The following GLE1 variants were observed in gnomAD, a reference collection of about 807,000 sequenced individuals.
GLE1 encodes the protein GLE1 RNA export mediator.
GLE1 carries 78 observed loss-of-function variants against 97.3 expected under a neutral mutation model. The observed-to-expected ratio is 0.80, with a 90% CI of 0.67 to 0.97. The LOEUF is 0.97. Ranked by LOEUF, GLE1 falls within the 50% of genes least tolerant of loss-of-function variation. The pLI is 0.00. For missense variants in GLE1, 753 were observed against 857.5 expected (o/e 0.88, Z 1.52); for synonymous variants, 302 against 313.4 (o/e 0.96, Z 0.39).
chr9:128,514,452 T>TC (rs1358036631), intron 2 of GLE1, among the ~76,000 whole-genome samples: 1 of 150,058 alleles, frequency 6.7e-6, no homozygotes, highest in African/African-American at 2.4e-5. Context: ...AGACTTTTTT[T>TC]TTTTTTTTTT....
rs994955066 is a variant in GLE1 at position 128,509,114 on chromosome 9, C to T, written c.321+17C>T. The T allele has an allele frequency of 6.8e-7, 1 of 1,469,108 alleles. No homozygotes were observed. The highest frequency in any genetic ancestry group is 2.3e-5 in the East Asian group (1 of 44,212). 91.0% of individuals were successfully genotyped at this position (1,469,108 alleles called of 1,614,324 possible). A position where few individuals can be genotyped will look rare whatever the true frequency, so the allele number is the denominator to read the frequency against. On this transcript the variant is annotated intron_variant, in intron 2 of 15. Coordinates refer to ENST00000309971, the MANE Select transcript of GLE1 (RefSeq NM_001003722.2). ...GGAACCAAGGTAAGGTTGTGATCAG[C>T]TTAAGACAAAAGACATGGTGGCTGC...
chr9:128,520,410 G>GTATATATA lies in GLE1; in HGVS notation c.433-2256_433-2249dup, dbSNP rs1054971044. ...TGTATATATGTATGTGTGTATATATGTATATATATGTATATATGTATATAT... is the reference window on the plus strand; with the variant it reads ...TGTATATATGTATGTGTGTATATATGTATATATATATATATATGTATATATGTATATAT... On this transcript the variant is annotated intron_variant, in intron 3 of 15. Coordinates refer to ENST00000309971, the MANE Select transcript of GLE1 (RefSeq NM_001003722.2). 5.6e-5 allele frequency among the ~76,000 whole-genome samples: 8 copies of GTATATATA among 143,936 alleles called. No homozygotes were observed. The South Asian group carries it at 1.3e-3, about 23-fold the overall frequency. The allele number at this position is 143,936 out of a possible 152,430, so 94.4% of individuals were successfully genotyped here.
chr9:128,514,684 G>A (rs1342152803), intron 2 of GLE1, among the ~76,000 whole-genome samples: 3 of 152,054 alleles, frequency 2.0e-5, no homozygotes, highest in African/African-American at 7.2e-5. Flanking sequence ...AGTAGAGACA[G>A]GGTTTAGTAG....
At chr9:128,509,909 T>C (rs1283338409) in intron 2 of GLE1, among the ~76,000 whole-genome samples, 6 of 152,186 alleles carry the variant, frequency 3.9e-5, no homozygotes, top group Admixed American at 1.3e-4. Flanking sequence ...CAGTGAGCTG[T>C]GATCAAGCCA....
At chr9:128,523,960 C>A in intron 6 of GLE1, 114 bp downstream of exon 6, 1 of 945,840 alleles carries the variant, frequency 1.1e-6, no homozygotes, top group Non-Finnish European at 1.7e-6. Flanking sequence ...GGGGGAAATA[C>A]CAAACATTAC....
Position 128,504,774 on chromosome 9 carries a change from G to C in GLE1, c.-32G>C. On this transcript the variant is annotated 5_prime_UTR_variant, in exon 1 of 16. Transcript: ENST00000309971. ...TTCGAGGGCTTGTTTGGTCAGAAGG[G>C]GGGCGTCAGAGAAGCTGCCCCTTAG... 7.2e-7 allele frequency: 1 copy of C among 1,393,936 alleles called. No individual in the cohort carries two copies. Among genetic ancestry groups the C allele is most frequent in the Non-Finnish European group, 1.0e-6 (1 of 979,860 alleles). The allele number at this position is 1,393,936 out of a possible 1,614,324, so 86.3% of individuals were successfully genotyped here.
At position 128,515,532 on chromosome 9, in the gene GLE1, A is replaced by C; in HGVS notation, c.325A>C (p.Lys109Gln). ...TTTCCATTTTCTGCTCATATAGGGC[A>C]AAGATGAGTCCCAGCACACAGAATC... ...SPATPNGTKG[K>Q]DESQHTESMV... Residue 109 changes from lysine (K) to glutamine (Q), a missense_variant, in exon 3 of 16, where the codon AAA (lysine) becomes CAA (glutamine). Physicochemically the swap from Lys to Gln is moderately conservative, Grantham distance 53 (BLOSUM62 1). Coordinates refer to ENST00000309971, the MANE Select transcript of GLE1 (RefSeq NM_001003722.2). The C allele has an allele frequency of 6.4e-7, 1 of 1,561,040 alleles. No individual in the cohort carries two copies. Among genetic ancestry groups the C allele is most frequent in the South Asian group, 1.1e-5 (1 of 90,010 alleles).
At chr9:128,530,013 GT>G (rs1475243901) in intron 9 of GLE1, among the ~76,000 whole-genome samples, 1 of 152,040 alleles carries the variant, frequency 6.6e-6, no homozygotes, top group Non-Finnish European at 1.5e-5. Context: ...AGCCAGGATG[GT>G]CTCGATCTTC....
chr9:128,527,592 T>C, intron 9 of GLE1, 67 bp downstream of exon 9: 2 of 949,726 alleles, frequency 2.1e-6, no homozygotes. Context: ...TCCAAATCTA[T>C]GTATCTGTAA....
intron 2 of GLE1, among the ~76,000 whole-genome samples, chr9:128,512,461 G>A (rs541735138): frequency 1.3e-4 from 20 of 152,106 alleles, no homozygotes; most frequent in Admixed American, 1.2e-3. Flanking sequence ...AAGTACATGC[G>A]ACCTTCCTGT....
At chr9:128,531,660 C>T (rs752383267) in intron 9 of GLE1, among the ~76,000 whole-genome samples, 3 of 151,364 alleles carry the variant, frequency 2.0e-5, no homozygotes, top group East Asian at 1.9e-4. Context: ...GGTGAAACCC[C>T]GTGTCTACTA....
chr9:128,522,904 C>A, intron 4 of GLE1, 88 bp downstream of exon 4: 3 of 1,457,844 alleles, frequency 2.1e-6, no homozygotes, highest in Non-Finnish European at 2.9e-6. Flanking sequence ...AAGAGTTGAA[C>A]AACTTCTGAG....
rs201182190 is a variant in GLE1, at chr9:128,533,602, C to T, written c.1402C>T (p.Leu468Phe). 2.3e-5 allele frequency: 37 copies of T among 1,613,936 alleles called. No individual in the cohort carries two copies. The highest frequency in any genetic ancestry group is 1.5e-4 in the Admixed American group (9 of 59,990). ...TGGTGGGCGCTCTGTGTCTGTCACACTTAACCCACAGGGGCTGGACTTTGT... is the reference window on the plus strand; with the variant it reads ...TGGTGGGCGCTCTGTGTCTGTCACATTTAACCCACAGGGGCTGGACTTTGT... The part of the protein sequence containing the change: ...QSGGRSVSVT[L>F]NPQGLDFVQY... Residue 468 changes from leucine (L) to phenylalanine (F), a missense_variant, in exon 10 of 16, where the codon CTT becomes TTT. Leu to Phe is a conservative substitution (Grantham distance 22). Coordinates refer to ENST00000309971, the MANE Select transcript of GLE1 (RefSeq NM_001003722.2).
chr9:128,520,523 C>G (rs1398941500), intron 3 of GLE1, among the ~76,000 whole-genome samples: 1 of 151,410 alleles, frequency 6.6e-6, no homozygotes, highest in African/African-American at 2.4e-5. Context: ...TAGGGGAAGA[C>G]AGCAAGAGTT....
At chr9:128,538,730 C>T (rs886454417) in intron 13 of GLE1, among the ~76,000 whole-genome samples, 1 of 152,026 alleles carries the variant, frequency 6.6e-6, no homozygotes, top group Non-Finnish European at 1.5e-5. Context: ...GGATCTCACT[C>T]TGTCAGCCAG....
At chr9:128,515,098 C>T (rs1423768602) in intron 2 of GLE1, among the ~76,000 whole-genome samples, 3 of 152,150 alleles carry the variant, frequency 2.0e-5, no homozygotes, top group Non-Finnish European at 2.9e-5. Flanking sequence ...GGATTACAGG[C>T]GTGAGCCACC....
chr9:128,515,499 T>A (rs774777393), intron 2 of GLE1, 30 bp from the exon 3 acceptor site: 19 of 1,220,860 alleles, frequency 1.6e-5, no homozygotes, highest in East Asian at 2.4e-5. Flanking sequence ...ACTTATTTTT[T>A]AATTATTTTT....
chr9:128,522,581 T>A, intron 3 of GLE1, 87 bp from the exon 4 acceptor site: 1 of 1,402,734 alleles, frequency 7.1e-7, no homozygotes, highest in Non-Finnish European at 9.5e-7. Flanking sequence ...AACCCGGGAG[T>A]TGGAGGTTGC....
rs1847339008 is a variant in GLE1, at chr9:128,527,570, T to C, written c.1312+45T>C. ...AACATGACCTTTCATTTCATTGTAT[T>C]ATCTTTCAGACTCCAAATCTATGTA... On this transcript the variant is annotated intron_variant, in intron 9 of 15. Coordinates refer to ENST00000309971, the MANE Select transcript of GLE1 (RefSeq NM_001003722.2). The C allele has an allele frequency of 9.0e-6, 10 of 1,110,840 alleles. No homozygotes were observed. The South Asian group carries it at 1.2e-4, about 14-fold the overall frequency. 68.8% of individuals were successfully genotyped at this position (1,110,840 alleles called of 1,614,324 possible). A position where few individuals can be genotyped will look rare whatever the true frequency, so the allele number is the denominator to read the frequency against.
Sources: allele counts gnomAD v4.1 joint callset (sites outside exome capture counted in the v4.1 genomes callset), GRCh38; gene constraint gnomAD v4.1.1; transcripts MANE v1.5; gene names NCBI Gene and HGNC (gene_info 2026-07-23, HGNC 2026-07-21).